Variants in IARS1 observed in about 807,000 individuals in gnomAD.
IARS1 encodes isoleucyl-tRNA synthetase 1.
Under a neutral mutation model 168.2 loss-of-function variants are expected in IARS1, and 124 were observed. The observed-to-expected ratio is 0.74, with a 90% CI of 0.64 to 0.86. The LOEUF (loss-of-function observed/expected upper bound fraction) is 0.86. IARS1 is among the 40% of genes least tolerant of loss of function. IARS1 has a pLI of 0.00. For missense variants in IARS1, 1,452 were observed against 1,515.8 expected, an observed-to-expected ratio of 0.96 and a Z score of 0.70; for synonymous variants, 532 against 529.4, an observed-to-expected ratio of 1.00 and a Z score of -0.07.
chr9:92,278,938 A>T (rs1220810735), intron 7 of IARS1, among the ~76,000 whole-genome samples: 1 of 152,202 alleles, frequency 6.6e-6, no homozygotes, highest in Non-Finnish European at 1.5e-5. Context: ...GGCATGATGA[A>T]TGTCCTTGAT....
At chr9:92,275,992 A>C in intron 9 of IARS1, among the ~76,000 whole-genome samples, 1 of 152,218 alleles carries the variant, frequency 6.6e-6, no homozygotes. Flanking sequence ...ATCCATGTGC[A>C]TTCTTTCAGG....
intron 30 of IARS1, among the ~76,000 whole-genome samples, chr9:92,234,846 C>CT (rs879895020): frequency 1.8e-3 from 260 of 142,110 alleles, no homozygotes; most frequent in Middle Eastern, 7.1e-3. Flanking sequence ...GCAATATGAG[C>CT]TTTTTTTTTT....
At chr9:92,212,409 T>C (rs1837909311) in intron 33 of IARS1, among the ~76,000 whole-genome samples, 1 of 152,190 alleles carries the variant, frequency 6.6e-6, no homozygotes, top group Non-Finnish European at 1.5e-5. Flanking sequence ...CACTAAACTT[T>C]TGCCTAACTA....
intron 6 of IARS1, among the ~76,000 whole-genome samples, chr9:92,283,430 G>C (rs148792236): frequency 0.031 from 4,660 of 152,226 alleles, 112 homozygotes; most frequent in South Asian, 0.079. Flanking sequence ...GATCAACTGA[G>C]GTAAGGAGTT....
Position 92,277,846 on chromosome 9 carries a change from G to A in IARS1, c.894+17C>T, listed in dbSNP as rs753691987. 4.3e-6 allele frequency: 7 copies of A among 1,609,696 alleles called. No individual in the cohort carries two copies. In the Admixed American group the frequency reaches 6.7e-5, roughly 15 times the overall value. ...CAGATTGTGGAGAGCGCCCACAGTA[G>A]CGGTCCCTAAGCTTACCTTCAGGAA... On this transcript the variant is annotated intron_variant, in intron 9 of 33. Coordinates refer to ENST00000443024, the MANE Select transcript of IARS1 (RefSeq NM_002161.6).
intron 31 of IARS1, among the ~76,000 whole-genome samples, chr9:92,227,346 C>A (rs1379622514): frequency 6.6e-6 from 1 of 151,536 alleles, no homozygotes; most frequent in Admixed American, 6.6e-5. Context: ...GGGTGGTGGC[C>A]GGGCAGAGGT....
In IARS1 at chr9:92,285,772, T is replaced by C. The variant is rs140188648; in HGVS notation, c.547A>G (p.Thr183Ala). Residue 183 changes from threonine to alanine, a missense_variant, in exon 6 of 34, where the codon ACG (threonine) becomes GCG (alanine). Transcript: ENST00000443024. ...YRGVKVMPFS[T>A]ACNTPLSNFE... ...TTGGAAAGTGGAGTGTTACATGCCG[T>C]AGAGAAGGGCATGACTTTCACACCT... is the stretch of plus-strand genomic sequence containing the variant. 2.5e-6 allele frequency: 4 copies of C among 1,613,690 alleles called. No homozygotes were observed. The highest frequency in any genetic ancestry group is 3.4e-6 in the Non-Finnish European group (4 of 1,179,712).
chr9:92,250,116 A>G, intron 24 of IARS1, 71 bp downstream of exon 24: 1 of 1,084,270 alleles, frequency 9.2e-7, no homozygotes, highest in Non-Finnish European at 1.4e-6. Flanking sequence ...AGCTCTCTAT[A>G]TTAAAAAAGC....
At chr9:92,220,964 A>AAAAAC (rs1050433958) in intron 33 of IARS1, among the ~76,000 whole-genome samples, 5 of 152,168 alleles carry the variant, frequency 3.3e-5, no homozygotes, top group African/African-American at 4.8e-5. Flanking sequence ...ACCAAGTCTC[A>AAAAAC]AAAACAAAAC....
chr9:92,269,754 A>G (rs1292668317), intron 13 of IARS1, 131 bp downstream of exon 13: 2 of 598,100 alleles, frequency 3.3e-6, no homozygotes, highest in Admixed American at 5.4e-5. Flanking sequence ...CTAAACACAC[A>G]GAAGAAAAGA....
chr9:92,215,150 C>T (rs1037509687), intron 33 of IARS1, among the ~76,000 whole-genome samples: 1 of 152,220 alleles, frequency 6.6e-6, no homozygotes. Flanking sequence ...AGGCACCCCC[C>T]AGCAGGGGCA....
intron 2 of IARS1, 142 bp downstream of exon 2, chr9:92,289,159 A>T: frequency 2.0e-6 from 1 of 497,770 alleles, no homozygotes; most frequent in Admixed American, 3.8e-5. Flanking sequence ...GTGAGCAGAG[A>T]TTGCACCACT....
At position 92,254,066 on chromosome 9, in the gene IARS1, C is replaced by G. The variant is rs539039113; in HGVS notation, c.2138-613G>C. ...TATAAAGCACAGCACAGCCCCACCA[C>G]AGAGGATGACCTGGCCCAAACTGCC... is the stretch of plus-strand genomic sequence containing the variant. On this transcript the variant is annotated intron_variant, in intron 20 of 33. Transcript: ENST00000443024. 3.9e-5 allele frequency among the ~76,000 whole-genome samples: 6 copies of G among 152,332 alleles called. No homozygotes were observed. In the East Asian group the frequency reaches 1.2e-3, roughly 29 times the overall value.
chr9:92,292,016 C>CT lies in IARS1; in HGVS notation c.-8+1594dup, dbSNP rs35644715. 8.2e-3 allele frequency among the ~76,000 whole-genome samples: 1,038 copies of CT among 126,936 alleles called. 6 individuals are homozygous for CT. The highest frequency in any genetic ancestry group is 0.016 in the South Asian group (63 of 4,040). 83.3% of individuals were successfully genotyped at this position (126,936 alleles called of 152,430 possible). On this transcript the variant is annotated intron_variant, in intron 1 of 33. Transcript: ENST00000443024. ...AAGCTTTCTGAGAAGAGGATCATTC[C>CT]TTTTTTTTTTTTTTTTTTGAGACAG...
At chr9:92,244,155 A>G (rs1391128528) in intron 27 of IARS1, among the ~76,000 whole-genome samples, 2 of 152,178 alleles carry the variant, frequency 1.3e-5, no homozygotes, top group Non-Finnish European at 2.9e-5. Flanking sequence ...TGTAAGGTGG[A>G]CAACTTTTCA....
At chr9:92,234,531 G>A (rs1827195929) in intron 30 of IARS1, among the ~76,000 whole-genome samples, 1 of 152,188 alleles carries the variant, frequency 6.6e-6, no homozygotes, top group African/African-American at 2.4e-5. Context: ...TGGGAAAATA[G>A]GCCCTACCTG....
In IARS1 at chr9:92,243,465, A is replaced by T. The variant is rs562567176; in HGVS notation, c.2905-154T>A. The T allele has an allele frequency of 2.2e-5, 12 of 551,120 alleles. No individual in the cohort carries two copies. The African/African-American group carries it at 2.3e-4, about 11-fold the overall frequency. 34.1% of individuals were successfully genotyped at this position (551,120 alleles called of 1,614,324 possible). The stretch of plus-strand genomic sequence containing the variant: ...AGCAATAAAATTAATCTAGTTTATC[A>T]TTCAGGTACTTCTTCATAATCAGCT... On this transcript the variant is annotated intron_variant, in intron 27 of 33. Transcript: ENST00000443024.
At chr9:92,220,048 G>C (rs1175925) in intron 33 of IARS1, among the ~76,000 whole-genome samples, 1 of 145,688 alleles carries the variant, frequency 6.9e-6, no homozygotes, top group African/African-American at 2.6e-5. Flanking sequence ...ACTGGATTAA[G>C]AAAATGTGGC....
chr9:92,266,066 G>T (rs1314300837), intron 14 of IARS1, among the ~76,000 whole-genome samples: 1 of 152,170 alleles, frequency 6.6e-6, no homozygotes, highest in African/African-American at 2.4e-5. Flanking sequence ...TCTCTGAAGA[G>T]GCCAGGGTTG....
Sources: gnomAD v4.1 joint callset for allele counts (sites outside exome capture counted in the v4.1 genomes callset) on GRCh38, gnomAD v4.1.1 for gene constraint, MANE v1.5 for transcripts, NCBI Gene and HGNC (gene_info 2026-07-23, HGNC 2026-07-21) for gene names.